CADPS: variants seen among roughly 807,000 people sequenced by gnomAD.
CADPS encodes calcium dependent secretion activator, also known as calcium-dependent secretion activator 1.
CADPS carries 57 observed loss-of-function variants against 167.3 expected under a neutral mutation model. The observed-to-expected ratio is 0.34, with a 90% CI of 0.28 to 0.42. The LOEUF (loss-of-function observed/expected upper bound fraction) is 0.42, where lower values mean the gene tolerates loss of function less well. Ranked by LOEUF, CADPS falls within the 20% of genes least tolerant of loss-of-function variation. The probability of loss-of-function intolerance (pLI) is 1.00; values close to 1 mark genes in which losing one functional copy is unlikely to be tolerated. For synonymous variants in CADPS, 676 were observed against 635.3 expected (o/e 1.06, Z -0.96); for missense variants, 1,414 against 1,738.1 (o/e 0.81, Z 3.32).
At chr3:62,873,642 A>T (rs1446911122) in intron 1 of CADPS, among the ~76,000 whole-genome samples, 3 of 141,226 alleles carry the variant, frequency 2.1e-5, no homozygotes, top group Non-Finnish European at 4.6e-5. Context: ...TTTAACATCA[A>T]AGGCAGCCCA....
intron 1 of CADPS, among the ~76,000 whole-genome samples, chr3:62,797,957 A>ACATT (rs2093542227): frequency 6.6e-6 from 1 of 151,760 alleles, no homozygotes; most frequent in Admixed American, 6.6e-5. Context: ...TTAATGTTTG[A>ACATT]CATTCATTCA....
chr3:62,735,248 T>A (rs777639937), intron 3 of CADPS, among the ~76,000 whole-genome samples: 4 of 152,154 alleles, frequency 2.6e-5, no homozygotes, highest in Admixed American at 6.6e-5. Flanking sequence ...AAATTGCAGT[T>A]CAATATGATG....
chr3:62,565,915 C>G (rs939506635), intron 9 of CADPS, among the ~76,000 whole-genome samples: 2 of 152,170 alleles, frequency 1.3e-5, no homozygotes, highest in African/African-American at 2.4e-5. Context: ...AAAGTAGACT[C>G]TGTGTGTATG....
At chr3:62,761,584 G>A (rs1272583801) in intron 2 of CADPS, among the ~76,000 whole-genome samples, 1 of 151,862 alleles carries the variant, frequency 6.6e-6, no homozygotes, top group Non-Finnish European at 1.5e-5. Context: ...TTTGAGTTTT[G>A]TAAAACTTTT....
rs17066673 is a variant in CADPS, at chr3:62,592,661, C to T, written c.1413G>A (p.Ala471=). Residue 471 remains alanine, a synonymous_variant, in exon 7 of 30, where the codon GCG becomes GCA. Transcript: ENST00000383710. ...CCCGCCCAAGCTCCTTGTCCTCCAA[C>T]GCCAGGACGCCTGTGCTCTCTGTGA... ...KLFTESTGVL[A]LEDKELGRVI... is the part of the protein sequence containing the mutation. The T allele has an allele frequency of 0.04, 64,558 of 1,613,688 alleles. 1,470 individuals carry two copies. Among genetic ancestry groups the T allele is most frequent in the African/African-American group, 0.072 (5,434 of 75,030 alleles).
intron 3 of CADPS, among the ~76,000 whole-genome samples, chr3:62,734,502 A>G (rs957363938): frequency 6.6e-6 from 1 of 152,058 alleles, no homozygotes; most frequent in Non-Finnish European, 1.5e-5. Context: ...TCTGATTTCT[A>G]TTGCCATAGA....
chr3:62,647,517 T>A (rs1385626466), intron 5 of CADPS, among the ~76,000 whole-genome samples: 1 of 152,168 alleles, frequency 6.6e-6, no homozygotes, highest in Non-Finnish European at 1.5e-5. Context: ...ACTCGCGTGA[T>A]GTTGGGCAAA....
intron 6 of CADPS, among the ~76,000 whole-genome samples, chr3:62,614,248 G>A (rs891077874): frequency 1.3e-5 from 2 of 152,088 alleles, no homozygotes; most frequent in Non-Finnish European, 2.9e-5. Context: ...TTACAGATGA[G>A]GGAACTGAAG....
At chr3:62,538,600 G>A (rs556714378) in intron 11 of CADPS, among the ~76,000 whole-genome samples, 5 of 152,200 alleles carry the variant, frequency 3.3e-5, no homozygotes, top group East Asian at 3.9e-4. Flanking sequence ...TCTTGCTCTC[G>A]GGTTTCTCAG....
At chr3:62,599,531 T>C (rs1244810313) in intron 6 of CADPS, among the ~76,000 whole-genome samples, 2 of 96,482 alleles carry the variant, frequency 2.1e-5, no homozygotes, top group African/African-American at 8.9e-5. Context: ...TACATATATA[T>C]TATATATATT....
intron 21 of CADPS, among the ~76,000 whole-genome samples, chr3:62,487,953 T>A (rs2063083307): frequency 6.6e-6 from 1 of 152,224 alleles, no homozygotes; most frequent in African/African-American, 2.4e-5. Context: ...AACATTACAT[T>A]GCATTTCATT....
At chr3:62,451,795 T>C (rs1438854789) in intron 26 of CADPS, among the ~76,000 whole-genome samples, 2 of 152,192 alleles carry the variant, frequency 1.3e-5, no homozygotes, top group Non-Finnish European at 1.5e-5. Context: ...TTGAAATTTC[T>C]GCTGCAAGGT....
At chr3:62,584,752 A>G (rs148002845) in intron 8 of CADPS, among the ~76,000 whole-genome samples, 1 of 152,348 alleles carries the variant, frequency 6.6e-6, no homozygotes, top group Non-Finnish European at 1.5e-5. Flanking sequence ...ACTAAAATAT[A>G]TTAAATGTGA....
intron 13 of CADPS, chr3:62,530,817 G>A: frequency 1.6e-6 from 2 of 1,265,510 alleles, no homozygotes; most frequent in Non-Finnish European, 2.0e-6. Context: ...TGTTGACTTT[G>A]GAGAGGGGGT....
intron 2 of CADPS, 143 bp downstream of exon 2, chr3:62,765,728 T>C (rs2152502473): frequency 3.7e-6 from 2 of 536,214 alleles, no homozygotes; most frequent in Non-Finnish European, 6.7e-6. Flanking sequence ...TTTCTTAACA[T>C]TGTAACGAAT....
chr3:62,571,817 G>A (rs1353380291), intron 8 of CADPS, among the ~76,000 whole-genome samples: 1 of 152,122 alleles, frequency 6.6e-6, no homozygotes, highest in Non-Finnish European at 1.5e-5. Flanking sequence ...ACCCGCCTTG[G>A]CCTCCCAAAG....
Position 62,492,355 on chromosome 3 carries a change from T to C in CADPS, c.2819A>G (p.Gln940Arg). 1 of 1,614,038 alleles carries C rather than the reference T, an allele frequency of 6.2e-7. No homozygotes were observed. The highest frequency in any genetic ancestry group is 2.2e-5 in the East Asian group (1 of 44,878). ...AVDMDAALEV[Q>R]PPDTWDSFPL... ...AAAACTGTCCCATGTGTCTGGAGGT[T>C]GCACCTCTAAGGCTGCATCCATGTC... Residue 940 changes from glutamine to arginine, a missense_variant, in exon 20 of 30, where the codon CAA becomes CGA. By Grantham distance (43) the Gln-to-Arg change is conservative. Transcript: ENST00000383710.
intron 1 of CADPS, among the ~76,000 whole-genome samples, chr3:62,844,909 A>G (rs2077170669): frequency 6.6e-6 from 1 of 152,192 alleles, no homozygotes; most frequent in Non-Finnish European, 1.5e-5. Context: ...AGCTTGTTGA[A>G]AAAATATTGG....
At chr3:62,604,421 T>C (rs766225847) in intron 6 of CADPS, among the ~76,000 whole-genome samples, 5 of 152,204 alleles carry the variant, frequency 3.3e-5, no homozygotes, top group Non-Finnish European at 7.3e-5. Flanking sequence ...GCTCTTCACA[T>C]GCAGGACTGG....
Sources: gnomAD v4.1 joint callset for allele counts (sites outside exome capture counted in the v4.1 genomes callset) on GRCh38, gnomAD v4.1.1 for gene constraint, MANE v1.5 for transcripts, NCBI Gene and HGNC (gene_info 2026-07-23, HGNC 2026-07-21) for gene names.